Variants in ZMAT4 observed in about 807,000 individuals in gnomAD.
The protein encoded by ZMAT4 is zinc finger matrin-type protein 4.
Under a neutral mutation model 28.7 loss-of-function variants are expected in ZMAT4, and 17 were observed. The observed-to-expected ratio is 0.59, with a 90% CI of 0.41 to 0.89. The LOEUF (loss-of-function observed/expected upper bound fraction) is 0.89. ZMAT4 is among the 40% of genes least tolerant of loss of function. The probability of loss-of-function intolerance (pLI) is 0.00; values close to 1 mark genes in which losing one functional copy is unlikely to be tolerated. For synonymous variants in ZMAT4, 117 were observed against 109.2 expected (o/e 1.07, Z -0.44); for missense variants, 240 against 283.8 (o/e 0.85, Z 1.11).
intron 6 of ZMAT4, among the ~76,000 whole-genome samples, chr8:40,543,097 T>G (rs1316480504): frequency 6.6e-6 from 1 of 152,196 alleles, no homozygotes; most frequent in Non-Finnish European, 1.5e-5. Flanking sequence ...GCTAACTTTT[T>G]TTTTTTCTCC....
intron 2 of ZMAT4, chr8:40,808,598 T>C (rs1283521829): frequency 2.2e-6 from 1 of 454,916 alleles, no homozygotes; most frequent in Admixed American, 2.4e-5. Flanking sequence ...AGTGCTGAGC[T>C]TCACTCAATA....
At chr8:40,865,264 A>G (rs1349809040) in intron 1 of ZMAT4, among the ~76,000 whole-genome samples, 1 of 152,238 alleles carries the variant, frequency 6.6e-6, no homozygotes, top group African/African-American at 2.4e-5. Flanking sequence ...AGTCCAAGAC[A>G]AAAAGGAAGA....
chr8:40,571,763 T>C (rs1442366880), intron 6 of ZMAT4, among the ~76,000 whole-genome samples: 1 of 152,160 alleles, frequency 6.6e-6, no homozygotes, highest in Admixed American at 6.6e-5. Flanking sequence ...TACAAATGAT[T>C]ATCAGCTGAA....
At chr8:40,754,096 C>T (rs570352411) in intron 3 of ZMAT4, among the ~76,000 whole-genome samples, 33 of 151,628 alleles carry the variant, frequency 2.2e-4, no homozygotes, top group Middle Eastern at 3.4e-3. Context: ...TGATTGAACC[C>T]GGGAGGCAGA....
At chr8:40,705,017 T>C (rs1016418498) in intron 3 of ZMAT4, among the ~76,000 whole-genome samples, 4 of 152,224 alleles carry the variant, frequency 2.6e-5, no homozygotes, top group African/African-American at 9.7e-5. Flanking sequence ...CCCTGCTGTT[T>C]GGATACAAAC....
intron 1 of ZMAT4, among the ~76,000 whole-genome samples, chr8:40,854,861 AGG>A (rs998250931): frequency 8.5e-5 from 13 of 152,230 alleles, no homozygotes; most frequent in Admixed American, 3.9e-4. Context: ...GATACCCTAA[AGG>A]GCTAATTACA....
At chr8:40,871,373 A>G (rs532710709) in intron 1 of ZMAT4, among the ~76,000 whole-genome samples, 1 of 152,140 alleles carries the variant, frequency 6.6e-6, no homozygotes, top group Admixed American at 6.5e-5. Context: ...TCCCTACTCC[A>G]TCCCTACCCA....
intron 6 of ZMAT4, among the ~76,000 whole-genome samples, chr8:40,540,809 CTCTGAT>C (rs1310060137): frequency 6.6e-6 from 1 of 152,178 alleles, no homozygotes; most frequent in African/African-American, 2.4e-5. Flanking sequence ...TAGCAAACCT[CTCTGAT>C]TCTGATTCTG....
chr8:40,869,678 A>G (rs993338018), intron 1 of ZMAT4, among the ~76,000 whole-genome samples: 2 of 152,314 alleles, frequency 1.3e-5, no homozygotes, highest in South Asian at 2.1e-4. Flanking sequence ...TCACGAGAAA[A>G]TGTGAGTGAA....
intron 1 of ZMAT4, among the ~76,000 whole-genome samples, chr8:40,881,528 CAGAAAGAAAGAAAGAA>C (rs201960642): frequency 0.04 from 2,081 of 51,748 alleles, 40 homozygotes; most frequent in African/African-American, 0.054. Context: ...GAGAGAGAGA[CAGAAAGAAAGAAAGAA>C]AGAAAGAAAG....
intron 2 of ZMAT4, among the ~76,000 whole-genome samples, chr8:40,785,848 T>A (rs1242877584): frequency 3.3e-5 from 5 of 152,228 alleles, no homozygotes; most frequent in African/African-American, 4.8e-5. Flanking sequence ...CTTAGCTAGA[T>A]TTCAAATAAG....
chr8:40,810,646 G>T (rs138666659), intron 2 of ZMAT4, among the ~76,000 whole-genome samples: 9 of 152,194 alleles, frequency 5.9e-5, no homozygotes, highest in South Asian at 4.1e-4. Context: ...AATATTTTTT[G>T]ATCTAATAGT....
At position 40,857,395 on chromosome 8, in the gene ZMAT4, G is replaced by T. The variant is rs1817337161; in HGVS notation, c.-4-31715C>A. ...AAAAAAAACAAAAACAAACAGAAAA[G>T]ATGGGTCTAAGAGACAATGTCAAGA... On this transcript the variant is annotated intron_variant, in intron 1 of 6. Transcript: ENST00000297737. 2.6e-5 allele frequency among the ~76,000 whole-genome samples: 4 copies of T among 151,746 alleles called. No homozygotes were observed. In the South Asian group the frequency reaches 8.3e-4, roughly 32 times the overall value.
chr8:40,648,853 A>C (rs1044772001), intron 5 of ZMAT4, among the ~76,000 whole-genome samples: 26 of 135,878 alleles, frequency 1.9e-4, no homozygotes, highest in Non-Finnish European at 3.9e-4. Flanking sequence ...GAAATAAAAT[A>C]CTTTACAGAC....
At chr8:40,886,047 T>C (rs1818440919) in intron 1 of ZMAT4, among the ~76,000 whole-genome samples, 3 of 152,262 alleles carry the variant, frequency 2.0e-5, no homozygotes, top group Admixed American at 2.0e-4. Flanking sequence ...CCCAACATTC[T>C]GAGCACTGAA....
At chr8:40,667,301 G>A (rs1175794151) in intron 5 of ZMAT4, among the ~76,000 whole-genome samples, 1 of 151,886 alleles carries the variant, frequency 6.6e-6, no homozygotes, top group African/African-American at 2.4e-5. Context: ...GACTATAGGC[G>A]CCCGCCACCA....
At chr8:40,726,485 C>G (rs1347449348) in intron 3 of ZMAT4, among the ~76,000 whole-genome samples, 1 of 152,140 alleles carries the variant, frequency 6.6e-6, no homozygotes, top group African/African-American at 2.4e-5. Flanking sequence ...GTTATTCTAC[C>G]AGAGGGCAGA....
rs527540935 is a variant in ZMAT4 at position 40,778,760 on chromosome 8, A to G, written c.103-11030T>C. Among the ~76,000 whole-genome samples the G allele has an allele frequency of 2.6e-5, 4 of 152,148 alleles. No individual in the cohort carries two copies. The South Asian group carries it at 6.2e-4, about 24-fold the overall frequency. On this transcript the variant is annotated intron_variant, in intron 2 of 6. Coordinates refer to ENST00000297737, the MANE Select transcript of ZMAT4 (RefSeq NM_024645.3). The stretch of plus-strand genomic sequence containing the variant: ...CCCCCACCTGCTTTTCAATTTTTCT[A>G]TTTGCTTACTCAAAGACCCAGATTT...
At chr8:40,542,608 C>A (rs532936737) in intron 6 of ZMAT4, among the ~76,000 whole-genome samples, 1 of 152,048 alleles carries the variant, frequency 6.6e-6, no homozygotes, top group Non-Finnish European at 1.5e-5. Context: ...AGGCTGGTCT[C>A]CAACTCCTGG....
Sources: allele counts gnomAD v4.1 joint callset (sites outside exome capture counted in the v4.1 genomes callset), GRCh38; gene constraint gnomAD v4.1.1; transcripts MANE v1.5; gene names NCBI Gene and HGNC (gene_info 2026-07-23, HGNC 2026-07-21).